The following CADM2 variants were observed in gnomAD, a reference collection of about 807,000 sequenced individuals.
CADM2 encodes the protein immunoglobulin superfamily member 4D.
In CADM2, 12 loss-of-function variants were observed where a neutral mutation model predicts 49.8. That is an observed-to-expected ratio of 0.24 (90% CI 0.15 to 0.39). The LOEUF is 0.39. Ranked by LOEUF, CADM2 falls within the 10% of genes least tolerant of loss-of-function variation. CADM2 has a pLI of 1.00. For synonymous variants in CADM2, 214 were observed against 175.4 expected, an observed-to-expected ratio of 1.22 and a Z score of -1.74; for missense variants, 378 against 492.3, an observed-to-expected ratio of 0.77 and a Z score of 2.20.
At chr3:85,645,212 C>CT (rs2064845494) in intron 1 of CADM2, among the ~76,000 whole-genome samples, 3 of 151,956 alleles carry the variant, frequency 2.0e-5, no homozygotes, top group African/African-American at 7.2e-5. Context: ...TGATATTCTA[C>CT]TTTTCCCCAT....
intron 1 of CADM2, among the ~76,000 whole-genome samples, chr3:85,255,566 T>G (rs2107873111): frequency 6.6e-6 from 1 of 152,180 alleles, no homozygotes; most frequent in East Asian, 1.9e-4. Context: ...ATAATTAAAG[T>G]ATCTACTTTA....
intron 1 of CADM2, among the ~76,000 whole-genome samples, chr3:85,391,400 G>T (rs1017188693): frequency 6.6e-6 from 1 of 152,004 alleles, no homozygotes; most frequent in Non-Finnish European, 1.5e-5. Context: ...GGTTATAGAT[G>T]TTTAAGGGTA....
At chr3:85,672,223 C>T (rs145675360) in intron 1 of CADM2, among the ~76,000 whole-genome samples, 3,092 of 134,510 alleles carry the variant, frequency 0.023, 48 homozygotes, top group Middle Eastern at 0.04. Context: ...GACAGACTCT[C>T]GGTCTTTCGC....
chr3:85,992,927 G>A (rs1204537257), intron 8 of CADM2: 1 of 152,170 alleles, frequency 6.6e-6, no homozygotes, highest in African/African-American at 2.4e-5. Flanking sequence ...ATTTCTGTTT[G>A]ATGAAATTTT....
intron 1 of CADM2, among the ~76,000 whole-genome samples, chr3:85,406,480 A>G (rs1403285676): frequency 6.6e-6 from 1 of 152,176 alleles, no homozygotes; most frequent in Non-Finnish European, 1.5e-5. Context: ...CTCAAAACCA[A>G]ATTTAATATT....
intron 5 of CADM2, among the ~76,000 whole-genome samples, chr3:85,898,955 ATTTTTT>A (rs35857247): frequency 9.1e-3 from 306 of 33,780 alleles, no homozygotes; most frequent in African/African-American, 0.038. Flanking sequence ...ATATATATAT[ATTTTTT>A]TTTTTTTTTT....
At chr3:85,961,724 A>G in intron 8 of CADM2, 77 bp downstream of exon 8, 1 of 1,074,664 alleles carries the variant, frequency 9.3e-7, no homozygotes, top group East Asian at 2.8e-5. Flanking sequence ...CAGAATTTTA[A>G]GTGCAGTGAA....
chr3:85,968,847 A>G (rs773066248), intron 8 of CADM2, among the ~76,000 whole-genome samples: 6 of 151,768 alleles, frequency 4.0e-5, no homozygotes, highest in Non-Finnish European at 7.4e-5. Context: ...TTCAGAAACA[A>G]TGGCATTCCT....
chr3:85,871,672 T>C (rs3930071), intron 3 of CADM2, among the ~76,000 whole-genome samples: 106,531 of 151,982 alleles, frequency 0.7, 38,929 homozygotes, highest in African/African-American at 0.92. Context: ...TGTCAGATAG[T>C]GCATACTCCA....
At chr3:85,120,998 A>G (rs1425629144) in intron 1 of CADM2, among the ~76,000 whole-genome samples, 1 of 152,204 alleles carries the variant, frequency 6.6e-6, no homozygotes, top group Non-Finnish European at 1.5e-5. Context: ...TGGAAAAGTC[A>G]TCACCTAGAA....
chr3:85,174,191 A>G (rs1483569974), intron 1 of CADM2, among the ~76,000 whole-genome samples: 1 of 152,166 alleles, frequency 6.6e-6, no homozygotes, highest in Non-Finnish European at 1.5e-5. Flanking sequence ...ATTCCTAAAC[A>G]TTGGCTCTTT....
intron 1 of CADM2, among the ~76,000 whole-genome samples, chr3:85,437,436 C>G (rs2036983496): frequency 6.6e-6 from 1 of 152,054 alleles, no homozygotes; most frequent in African/African-American, 2.4e-5. Context: ...AGCATGTCTC[C>G]AAAGTGGCTA....
chr3:84,959,149 G>C lies in CADM2; in HGVS notation c.-459G>C. ...CCCAGGACCCCGAGACACCCCGGGC[G>C]CGAGCGGCAGTGCTGCTTGCTTGCT... On this transcript the variant is annotated 5_prime_UTR_variant, in exon 1 of 10. Transcript: ENST00000383699. 5.4e-6 allele frequency: 1 copy of C among 183,648 alleles called. No homozygotes were observed. The highest frequency in any genetic ancestry group is 1.1e-5 in the Non-Finnish European group (1 of 87,974). The allele number at this position is 183,648 out of a possible 1,614,324, so 11.4% of individuals were successfully genotyped here.
intron 1 of CADM2, among the ~76,000 whole-genome samples, chr3:85,128,847 T>C (rs888078408): frequency 6.6e-6 from 1 of 152,194 alleles, no homozygotes; most frequent in African/African-American, 2.4e-5. Context: ...TTTAAACACT[T>C]TATTTACTGT....
intron 3 of CADM2, among the ~76,000 whole-genome samples, chr3:85,845,970 G>T (rs2074860337): frequency 1.3e-5 from 2 of 152,034 alleles, no homozygotes; most frequent in African/African-American, 4.8e-5. Flanking sequence ...TAGAGCTGGG[G>T]TTCTACTGGG....
At chr3:85,107,969 C>T (rs2038310214) in intron 1 of CADM2, among the ~76,000 whole-genome samples, 1 of 151,918 alleles carries the variant, frequency 6.6e-6, no homozygotes. Context: ...CCCAAAGTTC[C>T]TGGATAACAG....
intron 4 of CADM2, among the ~76,000 whole-genome samples, chr3:85,885,291 C>A (rs970387292): frequency 2.6e-5 from 4 of 151,436 alleles, no homozygotes; most frequent in Admixed American, 6.6e-5. Flanking sequence ...AATCCCAGCA[C>A]TTTGGGAGGC....
At chr3:85,144,621 AAAG>A (rs1384550264) in intron 1 of CADM2, among the ~76,000 whole-genome samples, 3 of 8,710 alleles carry the variant, frequency 3.4e-4, no homozygotes, top group African/African-American at 3.8e-3. Flanking sequence ...CAAAAAAAAA[AAAG>A]AAAGAAAGAA....
At chr3:85,939,173 T>C (rs571831093) in intron 7 of CADM2, among the ~76,000 whole-genome samples, 142 of 152,176 alleles carry the variant, frequency 9.3e-4, no homozygotes, top group African/African-American at 3.2e-3. Flanking sequence ...TCATGCCTAT[T>C]TGCCTGCTTT....
Sources: gnomAD v4.1 joint callset for allele counts (sites outside exome capture counted in the v4.1 genomes callset) on GRCh38, gnomAD v4.1.1 for gene constraint, MANE v1.5 for transcripts, NCBI Gene and HGNC (gene_info 2026-07-23, HGNC 2026-07-21) for gene names.